The following DMXL2 variants were observed in gnomAD, a reference collection of about 807,000 sequenced individuals.
DMXL2 encodes Dmx like 2.
Under a neutral mutation model 331.1 loss-of-function variants are expected in DMXL2, and 103 were observed. The ratio of observed to expected loss-of-function variants is 0.31; its 90% CI spans 0.27 to 0.37. The LOEUF is 0.37. Ranked by LOEUF, DMXL2 falls within the 10% of genes least tolerant of loss-of-function variation. The pLI, the probability that DMXL2 is intolerant of heterozygous loss-of-function variation, is 1.00. For missense variants in DMXL2, 3,171 were observed against 3,642.9 expected (o/e 0.87, Z 3.33); for synonymous variants, 1,281 against 1,252.1 (o/e 1.02, Z -0.49).
At chr15:51,576,612 T>A (rs1454481914) in intron 1 of DMXL2, among the ~76,000 whole-genome samples, 1 of 152,174 alleles carries the variant, frequency 6.6e-6, no homozygotes, top group African/African-American at 2.4e-5. Flanking sequence ...AAATCAGGCA[T>A]GCATTTTCCA....
chr15:51,618,134 C>G (rs1194043718), intron 1 of DMXL2, among the ~76,000 whole-genome samples: 1 of 152,184 alleles, frequency 6.6e-6, no homozygotes, highest in Non-Finnish European at 1.5e-5. Context: ...TTCTAACCAA[C>G]CCCTTGATTC....
chr15:51,464,238 C>T (rs558407609), intron 32 of DMXL2, among the ~76,000 whole-genome samples: 2 of 152,002 alleles, frequency 1.3e-5, no homozygotes, highest in Non-Finnish European at 2.9e-5. Context: ...CCTGTCTCTA[C>T]AAAAAATACA....
intron 1 of DMXL2, among the ~76,000 whole-genome samples, chr15:51,590,114 C>A (rs762462879): frequency 6.6e-6 from 1 of 152,192 alleles, no homozygotes; most frequent in Non-Finnish European, 1.5e-5. Flanking sequence ...CTGGATCTGG[C>A]GTTGACACTT....
At chr15:51,502,721 G>T (rs1477574957) in intron 17 of DMXL2, 85 bp downstream of exon 17, 9 of 853,798 alleles carry the variant, frequency 1.1e-5, no homozygotes, top group Non-Finnish European at 1.7e-5. Flanking sequence ...ACATATTTCA[G>T]AAGAGTTCAT....
rs1228349942 is a variant in DMXL2, at chr15:51,499,202, G to C, written c.4022C>G (p.Ser1341Cys). 4 of 1,614,040 alleles carry C rather than the reference G, an allele frequency of 2.5e-6. No homozygotes were observed. In the South Asian group the frequency reaches 4.4e-5, roughly 18 times the overall value. The change falls in exon 18 of 44, where the codon TCC (serine) becomes TGC (cysteine). Residue 1341 changes from serine (S) to cysteine (C), a missense_variant. Physicochemically the swap from Ser to Cys is moderately radical, Grantham distance 112. Around this residue, in one of 7 missense-constraint regions of DMXL2, gnomAD observed 1,674 missense variants for 1,780.2 expected, o/e 0.94. Coordinates refer to ENST00000560891, the MANE Select transcript of DMXL2 (RefSeq NM_001378457.1). Reference sequence around the variant, plus strand: ...TGGATGATATTGTGGAAGAGTAGGGGAAAGTACATGTGCAGCCTCAAATAA... The same window carrying C: ...TGGATGATATTGTGGAAGAGTAGGGCAAAGTACATGTGCAGCCTCAAATAA... Reference protein sequence around the residue: ...GGLFEAAHVLSPTLPQYHPTQ... With the variant: ...GGLFEAAHVLCPTLPQYHPTQ...
intron 1 of DMXL2, among the ~76,000 whole-genome samples, chr15:51,593,525 G>A (rs1442867266): frequency 6.6e-6 from 1 of 152,124 alleles, no homozygotes; most frequent in African/African-American, 2.4e-5. Flanking sequence ...AGGTTAACAA[G>A]GATATCCAGG....
intron 18 of DMXL2, among the ~76,000 whole-genome samples, chr15:51,496,369 T>C (rs1478956580): frequency 1.3e-5 from 2 of 152,204 alleles, no homozygotes; most frequent in African/African-American, 2.4e-5. Context: ...TTCTATTTCA[T>C]ACAGTGTGGC....
intron 15 of DMXL2, among the ~76,000 whole-genome samples, chr15:51,509,598 C>A (rs1160957820): frequency 6.6e-6 from 1 of 152,248 alleles, no homozygotes; most frequent in South Asian, 2.1e-4. Context: ...CAGGACCAGA[C>A]AGATTCACAG....
rs2048396402 is a variant in DMXL2, at chr15:51,538,313, A to G, written c.1245T>C (p.Ser415=). 1.2e-6 allele frequency: 2 copies of G among 1,613,800 alleles called. No individual in the cohort carries two copies. Among genetic ancestry groups the G allele is most frequent in the Non-Finnish European group, 1.7e-6 (2 of 1,179,878 alleles). The change falls in exon 10 of 44, where the codon TCT becomes TCC. Residue 415 remains serine, a synonymous_variant. Transcript: ENST00000560891. ...CATTTTCATGATCTACCTGCTTATCAGAAAGTTTTCGTAATTGATGCATAA... is the reference window on the plus strand; with the variant it reads ...CATTTTCATGATCTACCTGCTTATCGGAAAGTTTTCGTAATTGATGCATAA... The part of the protein sequence containing the change: ...EVFMHQLRKL[S]DKQVDHENDD...
In DMXL2 at chr15:51,499,524, T is replaced by G. The variant is rs2043433831; in HGVS notation, c.3700A>C (p.Arg1234=). Residue 1234 remains arginine (R), a synonymous_variant, in exon 18 of 44, where the codon AGA becomes CGA. Transcript: ENST00000560891. ...QGVKSRWVLL[R]SIDLVSSVDG... ...ACAGAAGATACCAAGTCTATAGATC[T>G]AAGAAGAACCCATCTTGACTTAACT... 1 of 1,614,042 alleles carries G rather than the reference T, an allele frequency of 6.2e-7. No homozygotes were observed. The highest frequency in any genetic ancestry group is 1.3e-5 in the African/African-American group (1 of 74,928).
chr15:51,542,532 G>A (rs1324608712), intron 8 of DMXL2, 25 bp from the exon 9 acceptor site: 1 of 1,576,044 alleles, frequency 6.3e-7, no homozygotes, highest in East Asian at 2.3e-5. Context: ...TAGTTGCTGA[G>A]TCCAACTCTG....
intron 27 of DMXL2, among the ~76,000 whole-genome samples, chr15:51,475,317 C>A (rs374066681): frequency 7.2e-5 from 11 of 152,044 alleles, no homozygotes; most frequent in African/African-American, 2.7e-4. Flanking sequence ...TATGGTGAAA[C>A]CCTGTCTTTA....
At chr15:51,578,384 C>G (rs1735076709) in intron 1 of DMXL2, among the ~76,000 whole-genome samples, 1 of 152,174 alleles carries the variant, frequency 6.6e-6, no homozygotes, top group Non-Finnish European at 1.5e-5. Context: ...TAAATTCACT[C>G]TTACGGCTCA....
chr15:51,612,578 T>A (rs1011679605), intron 1 of DMXL2, among the ~76,000 whole-genome samples: 3 of 152,114 alleles, frequency 2.0e-5, no homozygotes, highest in Admixed American at 2.0e-4. Flanking sequence ...ATTAGTGATT[T>A]TCAAAAGGGG....
intron 15 of DMXL2, among the ~76,000 whole-genome samples, chr15:51,513,696 A>G (rs2046882827): frequency 1.3e-5 from 2 of 152,138 alleles, no homozygotes; most frequent in Non-Finnish European, 2.9e-5. Context: ...ACCACATGAG[A>G]TTAATTATCT....
intron 39 of DMXL2, 93 bp from the exon 40 acceptor site, chr15:51,455,321 T>A (rs2039525866): frequency 9.7e-7 from 1 of 1,025,852 alleles, no homozygotes; most frequent in Non-Finnish European, 1.5e-6. Context: ...CCCTACTAAA[T>A]AAACATTCTG....
chr15:51,560,573 G>A (rs1379792910), intron 6 of DMXL2, among the ~76,000 whole-genome samples: 1 of 147,352 alleles, frequency 6.8e-6, no homozygotes, highest in African/African-American at 2.5e-5. Flanking sequence ...CCCAGCTGAG[G>A]CAGGAGGACT....
intron 1 of DMXL2, among the ~76,000 whole-genome samples, chr15:51,605,168 A>T (rs1368992085): frequency 2.6e-5 from 4 of 152,188 alleles, no homozygotes; most frequent in African/African-American, 9.7e-5. Flanking sequence ...CCAAAACTCG[A>T]CAAAAACAGT....
chr15:51,607,475 A>G (rs950242566), intron 1 of DMXL2, among the ~76,000 whole-genome samples: 2 of 152,176 alleles, frequency 1.3e-5, no homozygotes, highest in Non-Finnish European at 2.9e-5. Context: ...AAAAAGAAAA[A>G]AAAAGATAGA....
Sources: gnomAD v4.1 joint callset for allele counts (sites outside exome capture counted in the v4.1 genomes callset) on GRCh38, gnomAD v4.1.1 for gene constraint, gnomAD v4.1.1 regional missense constraint, MANE v1.5 for transcripts, NCBI Gene and HGNC (gene_info 2026-07-23, HGNC 2026-07-21) for gene names.